The following TMEM132C variants were observed in gnomAD, a reference collection of about 807,000 sequenced individuals.
TMEM132C encodes protein phosphatase 1, regulatory subunit 152.
A neutral mutation model predicts 61.4 loss-of-function variants in TMEM132C; 29 were observed. The observed-to-expected ratio is 0.47, with a 90% confidence interval of 0.35 to 0.64. TMEM132C has a LOEUF of 0.64. Among genes scored for constraint, TMEM132C ranks in the 30% least tolerant of loss-of-function variants. TMEM132C has a pLI of 0.00. For missense variants in TMEM132C, 1,408 were observed against 1,476.9 expected, an observed-to-expected ratio of 0.95 and a Z score of 0.76; for synonymous variants, 656 against 633.1, an observed-to-expected ratio of 1.04 and a Z score of -0.54.
At chr12:128,696,253 T>A in intron 7 of TMEM132C, 150 bp downstream of exon 7, 1 of 1,125,678 alleles carries the variant, frequency 8.9e-7, no homozygotes, top group Non-Finnish European at 1.2e-6. Context: ...AGATCTTGAG[T>A]CCAGCTCCTT....
chr12:128,488,204 T>C (rs984480388), intron 2 of TMEM132C, among the ~76,000 whole-genome samples: 1 of 152,246 alleles, frequency 6.6e-6, no homozygotes, highest in African/African-American at 2.4e-5. Flanking sequence ...ATGTGGCTAG[T>C]TGTTAATGTG....
chr12:128,514,787 G>C (rs1872669535), intron 2 of TMEM132C, among the ~76,000 whole-genome samples: 1 of 152,136 alleles, frequency 6.6e-6, no homozygotes, highest in Non-Finnish European at 1.5e-5. Context: ...CGTATTTACT[G>C]AGCTGTCTTA....
intron 3 of TMEM132C, among the ~76,000 whole-genome samples, chr12:128,551,744 C>T (rs1874184218): frequency 1.3e-5 from 2 of 152,184 alleles, no homozygotes; most frequent in Non-Finnish European, 2.9e-5. Flanking sequence ...CATCTTCCGC[C>T]TCCCCCTTCA....
intron 2 of TMEM132C, among the ~76,000 whole-genome samples, chr12:128,441,687 C>T (rs1565937443): frequency 6.6e-6 from 1 of 152,158 alleles, no homozygotes; most frequent in Non-Finnish European, 1.5e-5. Context: ...GTGTTGGAGG[C>T]TCAACCTGAA....
intron 4 of TMEM132C, among the ~76,000 whole-genome samples, chr12:128,640,423 G>A (rs1954148804): frequency 6.6e-6 from 1 of 152,128 alleles, no homozygotes; most frequent in Non-Finnish European, 1.5e-5. Context: ...ATTACAGAAG[G>A]GGTAAATCCA....
chr12:128,567,571 A>G (rs956608349), intron 3 of TMEM132C, among the ~76,000 whole-genome samples: 1 of 152,210 alleles, frequency 6.6e-6, no homozygotes, highest in Admixed American at 6.5e-5. Flanking sequence ...TTGAATTAAT[A>G]TAATTTGTCT....
At chr12:128,508,112 G>A (rs553252303) in intron 2 of TMEM132C, among the ~76,000 whole-genome samples, 1 of 152,182 alleles carries the variant, frequency 6.6e-6, no homozygotes, top group Non-Finnish European at 1.5e-5. Context: ...AGACTGGGAA[G>A]AAAAAGAGGT....
intron 2 of TMEM132C, among the ~76,000 whole-genome samples, chr12:128,460,138 G>A (rs79163968): frequency 0.055 from 8,437 of 152,200 alleles, 747 homozygotes; most frequent in African/African-American, 0.19. Flanking sequence ...ACTAGCTAGA[G>A]TGATTTCACT....
At chr12:128,526,031 C>T (rs1233349000) in intron 2 of TMEM132C, among the ~76,000 whole-genome samples, 1 of 152,198 alleles carries the variant, frequency 6.6e-6, no homozygotes, top group Non-Finnish European at 1.5e-5. Flanking sequence ...TGTCTCTGGG[C>T]CTTATCTCCA....
At chr12:128,550,052 C>T (rs1371646475) in intron 3 of TMEM132C, among the ~76,000 whole-genome samples, 1 of 152,252 alleles carries the variant, frequency 6.6e-6, no homozygotes, top group Non-Finnish European at 1.5e-5. Flanking sequence ...TCTTTCACTG[C>T]TCTATATCCC....
chr12:128,390,077 C>T (rs1874713689), intron 1 of TMEM132C, among the ~76,000 whole-genome samples: 2 of 152,234 alleles, frequency 1.3e-5, no homozygotes, highest in South Asian at 2.1e-4. Context: ...TGCTCTTTTG[C>T]CCAGGCTGAT....
At chr12:128,438,404 A>G (rs1161307792) in intron 2 of TMEM132C, among the ~76,000 whole-genome samples, 1 of 151,994 alleles carries the variant, frequency 6.6e-6, no homozygotes, top group Non-Finnish European at 1.5e-5. Flanking sequence ...TTGCCATGTG[A>G]TCTCTGCACA....
At chr12:128,292,734 C>A (rs1037482562) in intron 1 of TMEM132C, among the ~76,000 whole-genome samples, 28 of 151,980 alleles carry the variant, frequency 1.8e-4, no homozygotes, top group Admixed American at 1.6e-3. Context: ...CATAAGTGTA[C>A]TTAGTACCTA....
At chr12:128,609,261 AGTTACCCCCACCTCCCTGCAACACTGTAG>A (rs1565990381) in intron 3 of TMEM132C, among the ~76,000 whole-genome samples, 8,756 of 40,138 alleles carry the variant, frequency 0.22, 224 homozygotes, top group African/African-American at 0.31. Flanking sequence ...CCTCCCTGCA[AGTTACCCCCACCTCCCTGCAACACTGTAG>A]CCCCCGCCTC....
chr12:128,665,090 CACAT>C (rs1425123044), intron 4 of TMEM132C, among the ~76,000 whole-genome samples: 1 of 151,706 alleles, frequency 6.6e-6, no homozygotes, highest in African/African-American at 2.4e-5. Flanking sequence ...CAGGCACTCA[CACAT>C]ACACAGGCAC....
intron 8 of TMEM132C, among the ~76,000 whole-genome samples, chr12:128,701,984 C>T (rs1954807503): frequency 6.7e-6 from 1 of 150,310 alleles, no homozygotes; most frequent in Non-Finnish European, 1.5e-5. Flanking sequence ...ACTGCAACCT[C>T]TTCCTCCCAG....
intron 2 of TMEM132C, among the ~76,000 whole-genome samples, chr12:128,482,727 C>A (rs1453453740): frequency 6.6e-6 from 1 of 152,038 alleles, no homozygotes; most frequent in African/African-American, 2.4e-5. Context: ...AGGAATTTAT[C>A]CATTTCTTCT....
intron 2 of TMEM132C, among the ~76,000 whole-genome samples, chr12:128,541,850 G>A (rs951952214): frequency 6.6e-6 from 1 of 152,106 alleles, no homozygotes; most frequent in African/African-American, 2.4e-5. Flanking sequence ...TGTTTCTCCT[G>A]GAGGGTGAAG....
intron 1 of TMEM132C, among the ~76,000 whole-genome samples, chr12:128,350,210 T>C (rs1159083621): frequency 6.6e-6 from 1 of 152,220 alleles, no homozygotes; most frequent in Non-Finnish European, 1.5e-5. Context: ...ATTTTTTTTC[T>C]TAAGCAGTTT....
Sources: allele counts gnomAD v4.1 joint callset (sites outside exome capture counted in the v4.1 genomes callset), GRCh38; gene constraint gnomAD v4.1.1; transcripts MANE v1.5; gene names NCBI Gene and HGNC (gene_info 2026-07-23, HGNC 2026-07-21).